ADAMTS7: variants seen among roughly 807,000 people sequenced by gnomAD.
The protein encoded by ADAMTS7 is A disintegrin and metalloproteinase with thrombospondin motifs 7.
In ADAMTS7, 89 loss-of-function variants were observed where a neutral mutation model predicts 172.6. The observed-to-expected ratio is 0.52, with a 90% confidence interval of 0.43 to 0.61. ADAMTS7 has a LOEUF of 0.61. ADAMTS7 is among the 20% of genes least tolerant of loss of function. The pLI is 0.00. For synonymous variants in ADAMTS7, 885 were observed against 978.4 expected (o/e 0.90, Z 1.78); for missense variants, 1,973 against 2,355.6 (o/e 0.84, Z 3.36).
rs1198755656 is a variant in ADAMTS7 at position 78,792,365 on chromosome 15, G to A, written c.820-1142C>T. ...CCAAGTTACCATCATCATTTCGTCTGCTCAGTTGTTGAGGTCTCCTACGAG... is the reference window on the plus strand; with the variant it reads ...CCAAGTTACCATCATCATTTCGTCTACTCAGTTGTTGAGGTCTCCTACGAG... On this transcript the variant is annotated intron_variant, in intron 4 of 23. Transcript: ENST00000388820. Among the ~76,000 whole-genome samples the A allele has an allele frequency of 4.6e-5, 7 of 152,306 alleles. No individual in the cohort carries two copies. In the East Asian group the frequency reaches 9.7e-4, roughly 21 times the overall value.
intron 8 of ADAMTS7, among the ~76,000 whole-genome samples, chr15:78,783,732 C>A (rs2055464637): frequency 6.6e-6 from 1 of 152,058 alleles, no homozygotes; most frequent in African/African-American, 2.4e-5. Context: ...AGAATAGGAT[C>A]AAAAGGTGCA....
At position 78,774,765 on chromosome 15, in the gene ADAMTS7, C is replaced by T. The variant is rs1047746375; in HGVS notation, c.1735G>A (p.Gly579Ser). 1.1e-5 allele frequency: 17 copies of T among 1,609,728 alleles called. No individual in the cohort carries two copies. Among genetic ancestry groups the T allele is most frequent in the Admixed American group, 5.0e-5 (3 of 59,902 alleles). Reference protein sequence around the residue: ...TPKYKGRYCVGERKRFRLCNL... With the variant: ...TPKYKGRYCVSERKRFRLCNL... ...CAGAGGCGGAAGCGCTTGCGCTCAC[C>T]CACACAGTATCTGCCTTTGTATTTG... Residue 579 changes from glycine (G) to serine (S), a missense_variant, in exon 12 of 24, where the codon GGT becomes AGT. By Grantham distance (56) the Gly-to-Ser change is moderately conservative. This residue lies in a region of ADAMTS7 where 526 missense variants were observed against 662.9 expected (regional missense o/e 0.79). Coordinates refer to ENST00000388820, the MANE Select transcript of ADAMTS7 (RefSeq NM_014272.5).
At chr15:78,809,561 G>T (rs2055838638) in intron 1 of ADAMTS7, among the ~76,000 whole-genome samples, 1 of 152,168 alleles carries the variant, frequency 6.6e-6, no homozygotes, top group Admixed American at 6.5e-5. Context: ...CCACTACATT[G>T]TAGTCACTGT....
intron 3 of ADAMTS7, among the ~76,000 whole-genome samples, 170 bp from the exon 4 acceptor site, chr15:78,796,956 C>T (rs73462924): frequency 0.018 from 2,739 of 152,348 alleles, 71 homozygotes; most frequent in African/African-American, 0.063. Flanking sequence ...TGCTGTGTGG[C>T]TCTGCCTGGT....
intron 1 of ADAMTS7, among the ~76,000 whole-genome samples, chr15:78,805,372 T>C (rs1471363658): frequency 6.6e-6 from 1 of 152,236 alleles, no homozygotes; most frequent in African/African-American, 2.4e-5. Context: ...AAAATCTCAA[T>C]TTTCAGCTTT....
chr15:78,792,123 C>T (rs1420108483), intron 4 of ADAMTS7, among the ~76,000 whole-genome samples: 1 of 152,156 alleles, frequency 6.6e-6, no homozygotes, highest in African/African-American at 2.4e-5. Context: ...AAGAGGGCAC[C>T]AAAGTCCCTG....
intron 3 of ADAMTS7, among the ~76,000 whole-genome samples, chr15:78,797,457 G>A (rs1419830507): frequency 6.6e-6 from 1 of 152,262 alleles, no homozygotes; most frequent in Non-Finnish European, 1.5e-5. Context: ...CACCTGGACT[G>A]GCCGGCACTA....
At chr15:78,768,302 C>T in intron 16 of ADAMTS7, 43 bp from the exon 17 acceptor site, 5 of 1,608,544 alleles carry the variant, frequency 3.1e-6, no homozygotes, top group African/African-American at 1.3e-5. Context: ...ACCCAGGTGC[C>T]CACCACCCAA....
intron 4 of ADAMTS7, among the ~76,000 whole-genome samples, chr15:78,795,115 T>A (rs1204894998): frequency 6.6e-6 from 1 of 152,240 alleles, no homozygotes; most frequent in Non-Finnish European, 1.5e-5. Context: ...CAAGTCAGCC[T>A]CCAGGGTCTT....
chr15:78,760,216 A>G lies in ADAMTS7; in HGVS notation c.4904-638T>C, dbSNP rs78130020. ...GCCCAGCCTGCTGGGGAGGGAGGCCAGCTGCAGGCTGTGCTTGTCAGGGCT... is the reference window on the plus strand; with the variant it reads ...GCCCAGCCTGCTGGGGAGGGAGGCCGGCTGCAGGCTGTGCTTGTCAGGGCT... On this transcript the variant is annotated intron_variant, in intron 23 of 23. Coordinates refer to ENST00000388820, the MANE Select transcript of ADAMTS7 (RefSeq NM_014272.5). Among the ~76,000 whole-genome samples the G allele has an allele frequency of 0.029, 4,444 of 151,812 alleles. 585 individuals carry two copies. In the East Asian group the frequency reaches 0.38, roughly 13 times the overall value.
At chr15:78,777,864 C>T (rs985811812) in intron 8 of ADAMTS7, among the ~76,000 whole-genome samples, 3 of 152,230 alleles carry the variant, frequency 2.0e-5, no homozygotes, top group Admixed American at 2.0e-4. Flanking sequence ...GGGCCCTTCC[C>T]TCAGAAGGCC....
At chr15:78,801,882 T>G (rs1268727656) in intron 1 of ADAMTS7, among the ~76,000 whole-genome samples, 1 of 151,938 alleles carries the variant, frequency 6.6e-6, no homozygotes, top group Non-Finnish European at 1.5e-5. Flanking sequence ...ACAGATGGGA[T>G]CTCACTATGT....
At chr15:78,799,773 G>C (rs1413072725) in intron 2 of ADAMTS7, among the ~76,000 whole-genome samples, 2 of 151,850 alleles carry the variant, frequency 1.3e-5, no homozygotes, top group African/African-American at 4.8e-5. Flanking sequence ...CAAAAATTCT[G>C]TTTAAACAGG....
Position 78,796,522 on chromosome 15 carries a change from C to T in ADAMTS7, c.819+68G>A, listed in dbSNP as rs544848953. ...CCAGCCTGACAGCCTTCCTGCCCTG[C>T]ACCCACTCTTTGCACCCCACCCCCC... On this transcript the variant is annotated intron_variant, in intron 4 of 23. Transcript: ENST00000388820. 4.4e-5 allele frequency: 67 copies of T among 1,538,126 alleles called. 1 individual carries two copies. The highest frequency in any genetic ancestry group is 3.6e-5 in the Non-Finnish European group (41 of 1,129,802).
intron 13 of ADAMTS7, among the ~76,000 whole-genome samples, chr15:78,773,654 G>T (rs2055290361): frequency 6.6e-6 from 1 of 152,002 alleles, no homozygotes; most frequent in Non-Finnish European, 1.5e-5. Flanking sequence ...TAGGTCGCTG[G>T]GGACATGGGC....
At position 78,766,104 on chromosome 15, in the gene ADAMTS7, C is replaced by T. The variant is rs1385563001; in HGVS notation, c.3807G>A (p.Glu1269=). ...ELWTGGTVAW[E]PALEGGLGPV... ...GCCCCAGGCCACCCTCCAGAGCTGG[C>T]TCCCAGGCCACTGTGCCTCCTGTCC... Residue 1269 remains glutamate (E), a synonymous_variant, in exon 19 of 24, where the codon GAG becomes GAA. Transcript: ENST00000388820. The T allele has an allele frequency of 1.9e-6, 3 of 1,610,914 alleles. No individual in the cohort carries two copies. The highest frequency in any genetic ancestry group is 2.5e-6 in the Non-Finnish European group (3 of 1,179,920).
At chr15:78,774,842 C>G (rs780604461) in intron 11 of ADAMTS7, 49 bp from the exon 12 acceptor site, 1 of 1,542,154 alleles carries the variant, frequency 6.5e-7, no homozygotes, top group Non-Finnish European at 8.7e-7. Flanking sequence ...GTGAGTGCTA[C>G]TGCATGGCCA....
chr15:78,760,762 C>T (rs1018339465), intron 23 of ADAMTS7, among the ~76,000 whole-genome samples: 2 of 152,204 alleles, frequency 1.3e-5, no homozygotes, highest in African/African-American at 2.4e-5. Flanking sequence ...TCCCAGCCCC[C>T]CTCCACTGTT....
intron 1 of ADAMTS7, among the ~76,000 whole-genome samples, chr15:78,805,189 C>T (rs1303071161): frequency 6.6e-6 from 1 of 152,262 alleles, no homozygotes; most frequent in Non-Finnish European, 1.5e-5. Flanking sequence ...TTTAAGGCGA[C>T]TTCTTGCTCT....
Sources: allele counts gnomAD v4.1 joint callset (sites outside exome capture counted in the v4.1 genomes callset), GRCh38; gene constraint gnomAD v4.1.1; regional missense constraint gnomAD v4.1.1; transcripts MANE v1.5; gene names NCBI Gene and HGNC (gene_info 2026-07-23, HGNC 2026-07-21).